Variants in KIAA1755 observed in about 807,000 individuals in gnomAD.
KIAA1755 encodes uncharacterized protein KIAA1755.
Under a neutral mutation model 91.7 loss-of-function variants are expected in KIAA1755, and 68 were observed. That is an observed-to-expected ratio of 0.74 (90% CI 0.61 to 0.91). KIAA1755 has a LOEUF of 0.91. Ranked by LOEUF, KIAA1755 falls within the 40% of genes least tolerant of loss-of-function variation. The probability of loss-of-function intolerance (pLI) is 0.00; values close to 1 mark genes in which losing one functional copy is unlikely to be tolerated. For missense variants in KIAA1755, 1,535 were observed against 1,494.4 expected (o/e 1.03, Z -0.45); for synonymous variants, 610 against 604.6 (o/e 1.01, Z -0.13).
rs1278573849 is a variant in KIAA1755, at chr20:38,241,874, T to TC, written c.256dup (p.Asp86GlyfsTer2). ...GGGTGCCAAGTGGACCACAACTTCA[T>TC]CCCTCAGACAGAGTGGCCAGCCCTC... On this transcript the variant is annotated frameshift_variant, in exon 3 of 14. Coordinates refer to ENST00000279024, the MANE Select transcript of KIAA1755 (RefSeq NM_001029864.2). LOFTEE classifies it high-confidence loss of function. 6.2e-6 allele frequency: 10 copies of TC among 1,613,896 alleles called. No individual in the cohort carries two copies. Among genetic ancestry groups the TC allele is most frequent in the Non-Finnish European group, 8.5e-6 (10 of 1,180,016 alleles).
rs984615053 is a variant in KIAA1755 at position 38,218,159 on chromosome 20, T to A, written c.2679+85A>T. The A allele has an allele frequency of 4.5e-6, 7 of 1,571,792 alleles. No homozygotes were observed. The African/African-American group carries it at 8.1e-5, about 18-fold the overall frequency. On this transcript the variant is annotated intron_variant, in intron 12 of 13. Coordinates refer to ENST00000279024, the MANE Select transcript of KIAA1755 (RefSeq NM_001029864.2). ...GGAACTTTTCTTGCTCTTTCCCACC[T>A]CCACAGCTTTGCCCTGGCAGTGCCA...
In KIAA1755 at chr20:38,241,605, C is replaced by T. The variant is rs2076067134; in HGVS notation, c.526G>A (p.Val176Met). The T allele has an allele frequency of 6.2e-7, 1 of 1,614,136 alleles. No individual in the cohort carries two copies. Among genetic ancestry groups the T allele is most frequent in the South Asian group, 1.1e-5 (1 of 91,092 alleles). ...LVASENGIAP[V>M]PWTKITSPEF... Reference sequence around the variant, plus strand: ...GGGCTGGTTATCTTGGTCCAAGGCACAGGGGCAATCCCATTTTCTGATGCT... The same window carrying T: ...GGGCTGGTTATCTTGGTCCAAGGCATAGGGGCAATCCCATTTTCTGATGCT... The change falls in exon 3 of 14, where the codon GTG becomes ATG. Residue 176 changes from valine to methionine, a missense_variant. By Grantham distance (21) the Val-to-Met change is conservative. Transcript: ENST00000279024.
At chr20:38,218,088 A>G in intron 12 of KIAA1755, 156 bp downstream of exon 12, 1 of 859,352 alleles carries the variant, frequency 1.2e-6, no homozygotes, top group Admixed American at 2.4e-5. Flanking sequence ...GGGAGATAAC[A>G]TCTCAGCTGA....
rs1230684313 is a variant in KIAA1755, at chr20:38,246,084, C to T, written c.46G>A (p.Gly16Ser). Residue 16 changes from glycine to serine, a missense_variant, in exon 2 of 14, where the codon GGC becomes AGC. Physicochemically the swap from Gly to Ser is moderately conservative, Grantham distance 56 (BLOSUM62 0). Coordinates refer to ENST00000279024, the MANE Select transcript of KIAA1755 (RefSeq NM_001029864.2). Reference sequence around the variant, plus strand: ...GTGGCCTCGAAAGGAGGATAGAGGCCCGCCAGGGCATGCTGGATGGCTGTG... The same window carrying T: ...GTGGCCTCGAAAGGAGGATAGAGGCTCGCCAGGGCATGCTGGATGGCTGTG... ...LDTAIQHALA[G>S]LYPPFEATAP... 5.0e-6 allele frequency: 8 copies of T among 1,613,860 alleles called. No individual in the cohort carries two copies. The highest frequency in any genetic ancestry group is 6.8e-6 in the Non-Finnish European group (8 of 1,180,006).
rs903602299 is a variant in KIAA1755 at position 38,241,946 on chromosome 20, A to C, written c.202-17T>G. The C allele has an allele frequency of 1.9e-6, 3 of 1,598,934 alleles. No homozygotes were observed. Among genetic ancestry groups the C allele is most frequent in the Non-Finnish European group, 2.6e-6 (3 of 1,172,000 alleles). Reference sequence around the variant, plus strand: ...GTAGGGAGCCTGTGGAGAGAAGGGGATGGCATCAGAGAACCTGGCCCTGAA... The same window carrying C: ...GTAGGGAGCCTGTGGAGAGAAGGGGCTGGCATCAGAGAACCTGGCCCTGAA... On this transcript the variant is annotated splice_polypyrimidine_tract_variant and intron_variant, in intron 2 of 13. Coordinates refer to ENST00000279024, the MANE Select transcript of KIAA1755 (RefSeq NM_001029864.2).
chr20:38,253,699 G>A (rs2123332455), intron 1 of KIAA1755, among the ~76,000 whole-genome samples: 1 of 152,324 alleles, frequency 6.6e-6, no homozygotes, highest in South Asian at 2.1e-4. Context: ...TCGTAAGGCA[G>A]CCTTTTAATT....
At chr20:38,228,475 A>G (rs572363617) in intron 5 of KIAA1755, among the ~76,000 whole-genome samples, 1 of 152,346 alleles carries the variant, frequency 6.6e-6, no homozygotes, top group African/African-American at 2.4e-5. Context: ...GCCCTCGTTT[A>G]TAGCCCTACT....
At chr20:38,258,919 G>A (rs555948133) in intron 1 of KIAA1755, among the ~76,000 whole-genome samples, 13 of 152,332 alleles carry the variant, frequency 8.5e-5, no homozygotes, top group African/African-American at 1.4e-4. Flanking sequence ...TCAATGAGGG[G>A]TTTCTAATGA....
At position 38,217,343 on chromosome 20, in the gene KIAA1755, GAAGGCCCGCTGGGTAGAGGCA is replaced by G. The variant is rs1218925033; in HGVS notation, c.2790_2810del (p.Ala931_Phe937del). 6.8e-6 allele frequency: 11 copies of G among 1,612,724 alleles called. No individual in the cohort carries two copies. The highest frequency in any genetic ancestry group is 9.3e-6 in the Non-Finnish European group (11 of 1,179,582). On this transcript the variant is annotated inframe_deletion, in exon 13 of 14. Transcript: ENST00000279024. ...TGTAAAAGTGGGTCAGCTCAGCCTG[GAAGGCCCGCTGGGTAGAGGCA>G]AAGGCTGCCAGCTCTGGGAACTCTG... is the stretch of plus-strand genomic sequence containing the variant.
chr20:38,242,834 G>A (rs1164558567), intron 2 of KIAA1755, among the ~76,000 whole-genome samples: 1 of 152,180 alleles, frequency 6.6e-6, no homozygotes. Context: ...TTAAATAAAT[G>A]AAGGCTTATT....
chr20:38,240,094 CCTTCCTTCCTTCCGT>C (rs1207535149), intron 3 of KIAA1755, among the ~76,000 whole-genome samples: 1 of 152,084 alleles, frequency 6.6e-6, no homozygotes, highest in Non-Finnish European at 1.5e-5. Flanking sequence ...TTCCTTCCTT[CCTTCCTTCCTTCCGT>C]CTTCCTTCCT....
At position 38,222,484 on chromosome 20, in the gene KIAA1755, A is replaced by T; in HGVS notation, c.2382T>A (p.His794Gln). The T allele has an allele frequency of 1.9e-6, 3 of 1,613,732 alleles. No individual in the cohort carries two copies. The South Asian group carries it at 3.3e-5, about 18-fold the overall frequency. The change falls in exon 10 of 14, where the codon CAT (histidine) becomes CAA (glutamine). Residue 794 changes from histidine to glutamine, a missense_variant. His to Gln is a conservative substitution (Grantham distance 24). Coordinates refer to ENST00000279024, the MANE Select transcript of KIAA1755 (RefSeq NM_001029864.2). ...GGCTGAAGTCCAGCCTGCTGGCATC[A>T]TGCTGCAGCCTGGCCAGGGTGGCTC... ...EGGATLARLQ[H>Q]DASRLDFSPD...
chr20:38,215,990 A>T (rs1344920295), intron 13 of KIAA1755, among the ~76,000 whole-genome samples: 1 of 152,200 alleles, frequency 6.6e-6, no homozygotes, highest in Non-Finnish European at 1.5e-5. Flanking sequence ...TGGGTGAGTT[A>T]TCTGACCTCT....
intron 5 of KIAA1755, among the ~76,000 whole-genome samples, chr20:38,230,864 G>A (rs2075848371): frequency 6.6e-6 from 1 of 151,324 alleles, no homozygotes. Context: ...CTCCAGTCTG[G>A]GCAACAAGAG....
At chr20:38,214,334 G>T (rs993043025) in intron 13 of KIAA1755, among the ~76,000 whole-genome samples, 1 of 152,202 alleles carries the variant, frequency 6.6e-6, no homozygotes, top group African/African-American at 2.4e-5. Flanking sequence ...TAAAATGGAA[G>T]TTGCACTAGA....
intron 8 of KIAA1755, among the ~76,000 whole-genome samples, chr20:38,224,738 G>A (rs995334724): frequency 2.0e-5 from 3 of 152,298 alleles, no homozygotes; most frequent in African/African-American, 4.8e-5. Flanking sequence ...GACCCGGGGC[G>A]GGCATTGATG....
intron 5 of KIAA1755, 145 bp downstream of exon 5, chr20:38,231,057 C>T: frequency 3.5e-6 from 3 of 866,570 alleles, no homozygotes; most frequent in Non-Finnish European, 3.4e-6. Context: ...TTTTGCTTTC[C>T]CCCGGCATCT....
At chr20:38,251,365 T>C (rs1391817260) in intron 1 of KIAA1755, among the ~76,000 whole-genome samples, 1 of 152,158 alleles carries the variant, frequency 6.6e-6, no homozygotes, top group Non-Finnish European at 1.5e-5. Flanking sequence ...GTCTGTGACA[T>C]ACCTTGTGTC....
chr20:38,216,241 G>A (rs1444684319), intron 13 of KIAA1755, among the ~76,000 whole-genome samples: 2 of 152,200 alleles, frequency 1.3e-5, no homozygotes, highest in Non-Finnish European at 1.5e-5. Context: ...CGCCTGTATC[G>A]TGCTCTTAAC....
Sources: allele counts gnomAD v4.1 joint callset (sites outside exome capture counted in the v4.1 genomes callset), GRCh38; gene constraint gnomAD v4.1.1; transcripts MANE v1.5; gene names NCBI Gene and HGNC (gene_info 2026-07-23, HGNC 2026-07-21).